The following SLCO3A1 variants were observed in gnomAD, a reference collection of about 807,000 sequenced individuals.
SLCO3A1 encodes the protein PGE1 transporter.
A neutral mutation model predicts 63.1 loss-of-function variants in SLCO3A1; 27 were observed. That is an observed-to-expected ratio of 0.43 (90% confidence interval 0.32 to 0.59). SLCO3A1 has a LOEUF of 0.59. Among genes scored for constraint, SLCO3A1 ranks in the 20% least tolerant of loss-of-function variants. The probability of loss-of-function intolerance (pLI) is 0.09; values close to 1 mark genes in which losing one functional copy is unlikely to be tolerated. For missense variants in SLCO3A1, 773 were observed against 945.8 expected, an observed-to-expected ratio of 0.82 and a Z score of 2.40; for synonymous variants, 473 against 409.9, an observed-to-expected ratio of 1.15 and a Z score of -1.86.
chr15:92,128,627 T>C, intron 7 of SLCO3A1, 138 bp downstream of exon 7: 1 of 730,398 alleles, frequency 1.4e-6, no homozygotes, highest in South Asian at 2.0e-5. Flanking sequence ...AGATGTTCCA[T>C]CAGCAGGATG....
chr15:91,924,817 A>G (rs906593890), intron 2 of SLCO3A1, among the ~76,000 whole-genome samples: 1 of 152,232 alleles, frequency 6.6e-6, no homozygotes. Flanking sequence ...GCACGGTTCA[A>G]GGTTCCCCGA....
chr15:92,026,473 G>A (rs2046575061), intron 2 of SLCO3A1, among the ~76,000 whole-genome samples: 1 of 152,176 alleles, frequency 6.6e-6, no homozygotes, highest in South Asian at 2.1e-4. Flanking sequence ...TTCCTACTGA[G>A]TAGAATGCCT....
chr15:91,902,509 T>C (rs2151369095), intron 1 of SLCO3A1, among the ~76,000 whole-genome samples: 1 of 152,078 alleles, frequency 6.6e-6, no homozygotes, highest in South Asian at 2.1e-4. Flanking sequence ...GGGGATTTCC[T>C]TGTTTATTTG....
rs559854573 is a variant in SLCO3A1, at chr15:92,045,415, G to A, written c.647-49466G>A. Among the ~76,000 whole-genome samples the A allele has an allele frequency of 5.7e-4, 86 of 151,992 alleles. 1 individual carries two copies. The highest frequency in any genetic ancestry group is 2.0e-3 in the African/African-American group (84 of 41,414). The stretch of plus-strand genomic sequence containing the variant: ...CAGAAATTACCATTATAATGTGTAT[G>A]GATCCTTCAAAGAAATAAATGTGCA... On this transcript the variant is annotated intron_variant, in intron 2 of 9. Coordinates refer to ENST00000318445, the MANE Select transcript of SLCO3A1 (RefSeq NM_013272.4).
intron 8 of SLCO3A1, 42 bp downstream of exon 8, chr15:92,147,201 G>A (rs371134473): frequency 8.5e-4 from 1,330 of 1,573,428 alleles, no homozygotes; most frequent in Non-Finnish European, 1.1e-3. Context: ...CTTTCCACCT[G>A]GTGTTCATCT....
chr15:92,091,875 A>G (rs2047481778), intron 2 of SLCO3A1, among the ~76,000 whole-genome samples: 2 of 152,256 alleles, frequency 1.3e-5, no homozygotes, highest in Non-Finnish European at 2.9e-5. Flanking sequence ...AGATGAGAAC[A>G]GGACCTTGAA....
chr15:91,857,748 C>T (rs908621435), intron 1 of SLCO3A1, among the ~76,000 whole-genome samples: 2 of 152,104 alleles, frequency 1.3e-5, no homozygotes, highest in Non-Finnish European at 2.9e-5. Context: ...TATCAAATTA[C>T]TGAGGACTGG....
chr15:91,916,602 T>TG lies in SLCO3A1; in HGVS notation c.646+149dup, dbSNP rs1181584319. On this transcript the variant is annotated intron_variant, in intron 2 of 9. Transcript: ENST00000318445. The surrounding 1 kb of genome is among the most constrained non-coding windows in gnomAD (Gnocchi z 6.2). ...AGTGTTCTTGAAAAATACTCATGCC[T>TG]GGGGGTGCAACCTGGGCATTGAGAC... The TG allele has an allele frequency of 6.1e-6, 4 of 658,262 alleles. No homozygotes were observed. The highest frequency in any genetic ancestry group is 3.7e-5 in the African/African-American group (2 of 53,984). 40.8% of individuals were successfully genotyped at this position (658,262 alleles called of 1,614,324 possible).
chr15:92,134,918 C>CGCTG (rs1361643477), intron 7 of SLCO3A1, among the ~76,000 whole-genome samples: 3 of 151,584 alleles, frequency 2.0e-5, no homozygotes, highest in Non-Finnish European at 2.9e-5. Context: ...GCATGTTCTC[C>CGCTG]GCTGGGGGAT....
At chr15:92,143,135 A>C (rs545347372) in intron 7 of SLCO3A1, among the ~76,000 whole-genome samples, 1 of 150,250 alleles carries the variant, frequency 6.7e-6, no homozygotes, top group East Asian at 2.0e-4. Context: ...TACTTAGCCA[A>C]ACAAGACCAC....
chr15:92,146,496 T>A (rs2151588066), intron 7 of SLCO3A1, among the ~76,000 whole-genome samples: 1 of 152,338 alleles, frequency 6.6e-6, no homozygotes, highest in South Asian at 2.1e-4. Context: ...ACTTCACGCG[T>A]GACAGCGTGC....
intron 4 of SLCO3A1, among the ~76,000 whole-genome samples, chr15:92,118,235 A>G (rs1318028344): frequency 2.0e-5 from 3 of 152,172 alleles, no homozygotes; most frequent in Non-Finnish European, 4.4e-5. Context: ...TTGCCTTTCT[A>G]ATGTTTCAGG....
chr15:91,962,895 A>G (rs1204107952), intron 2 of SLCO3A1, among the ~76,000 whole-genome samples: 2 of 152,190 alleles, frequency 1.3e-5, no homozygotes, highest in Non-Finnish European at 2.9e-5. Flanking sequence ...TCAAAATTAC[A>G]AAGTTTTCCA....
At chr15:92,105,894 C>T (rs753125009) in intron 4 of SLCO3A1, among the ~76,000 whole-genome samples, 1 of 152,174 alleles carries the variant, frequency 6.6e-6, no homozygotes, top group Non-Finnish European at 1.5e-5. Context: ...GTTTACTAAA[C>T]TTCTGTGTAA....
intron 2 of SLCO3A1, among the ~76,000 whole-genome samples, chr15:91,992,602 T>C (rs1031646916): frequency 1.3e-5 from 2 of 152,170 alleles, no homozygotes; most frequent in Admixed American, 6.5e-5. Flanking sequence ...CATGGATCAT[T>C]GTGCTGTCGC....
intron 2 of SLCO3A1, among the ~76,000 whole-genome samples, chr15:91,971,405 A>AAAAT (rs1555419751): frequency 6.8e-6 from 1 of 146,330 alleles, no homozygotes; most frequent in East Asian, 2.0e-4. Flanking sequence ...AAAAAAAAAA[A>AAAAT]AAAAAGCAAC....
intron 1 of SLCO3A1, among the ~76,000 whole-genome samples, chr15:91,888,273 G>T (rs541413796): frequency 7.9e-5 from 12 of 152,290 alleles, no homozygotes; most frequent in Non-Finnish European, 1.8e-4. Flanking sequence ...TCTGAATGGG[G>T]TGTGGGTTCA....
At position 91,889,628 on chromosome 15, in the gene SLCO3A1, G is replaced by T. The variant is rs377300702; in HGVS notation, c.181-26365G>T. Among the ~76,000 whole-genome samples, 151 of 152,348 alleles carry T rather than the reference G, an allele frequency of 9.9e-4. 5 individuals carry two copies. The South Asian group carries it at 0.031, about 31-fold the overall frequency. On this transcript the variant is annotated intron_variant, in intron 1 of 9. Transcript: ENST00000318445. Reference sequence around the variant, plus strand: ...CTTGTATTGTCTGCATAACTGTAGGGTGGATCTGGTCTTGCTCTCTTATAA... The same window carrying T: ...CTTGTATTGTCTGCATAACTGTAGGTTGGATCTGGTCTTGCTCTCTTATAA...
At chr15:92,073,499 G>A (rs2151516926) in intron 2 of SLCO3A1, among the ~76,000 whole-genome samples, 1 of 152,296 alleles carries the variant, frequency 6.6e-6, no homozygotes, top group South Asian at 2.1e-4. Context: ...AGAAAAGAGA[G>A]CATTCTTCAA....
Sources: gnomAD v4.1 joint callset for allele counts (sites outside exome capture counted in the v4.1 genomes callset) on GRCh38, gnomAD v4.1.1 for gene constraint, Gnocchi (gnomAD v3.1) non-coding constraint, MANE v1.5 for transcripts, NCBI Gene and HGNC (gene_info 2026-07-23, HGNC 2026-07-21) for gene names.